Variants in TUB observed in about 807,000 individuals in gnomAD.
TUB encodes the protein tubby protein homolog.
In TUB, 33 loss-of-function variants were observed where a neutral mutation model predicts 59.7. The observed-to-expected ratio is 0.55, with a 90% CI of 0.42 to 0.74. The LOEUF is 0.74. Among genes scored for constraint, TUB ranks in the 30% least tolerant of loss-of-function variants. TUB has a pLI of 0.00. For missense variants in TUB, 659 were observed against 672.0 expected (o/e 0.98, Z 0.21); for synonymous variants, 293 against 256.4 (o/e 1.14, Z -1.36).
intron 3 of TUB, 113 bp from the exon 4 acceptor site, chr11:8,093,933 T>G: frequency 7.9e-7 from 1 of 1,267,302 alleles, no homozygotes. Flanking sequence ...GGGGCCCTGG[T>G]GGGACTCGGG....
chr11:8,046,079 C>G (rs545457339), intron 2 of TUB, among the ~76,000 whole-genome samples: 2 of 151,874 alleles, frequency 1.3e-5, no homozygotes, highest in African/African-American at 4.8e-5. Flanking sequence ...TGCGTTATCT[C>G]CCTCCCCTCC....
chr11:8,072,243 A>C (rs1462937226), intron 2 of TUB, among the ~76,000 whole-genome samples: 1 of 152,118 alleles, frequency 6.6e-6, no homozygotes, highest in African/African-American at 2.4e-5. Flanking sequence ...GCCTAGAAGG[A>C]GTCTTCACGC....
intron 2 of TUB, among the ~76,000 whole-genome samples, chr11:8,071,987 C>T (rs1943367851): frequency 6.6e-6 from 1 of 152,196 alleles, no homozygotes; most frequent in Admixed American, 6.5e-5. Flanking sequence ...CTAAGCTGAG[C>T]CCCCATCCTC....
intron 2 of TUB, among the ~76,000 whole-genome samples, chr11:8,074,993 C>T (rs531608485): frequency 6.6e-6 from 1 of 152,162 alleles, no homozygotes; most frequent in South Asian, 2.1e-4. Flanking sequence ...GATCCACCCA[C>T]CTCAGCCTCC....
Position 8,103,152 on chromosome 11 carries a change from G to T in TUB, c.*1533G>T, listed in dbSNP as rs1261661419. The T allele has an allele frequency of 2.0e-5, 3 of 152,270 alleles. No homozygotes were observed. The highest frequency in any genetic ancestry group is 7.2e-5 in the African/African-American group (3 of 41,444). The allele number at this position is 152,270 out of a possible 1,614,324, so 9.4% of individuals were successfully genotyped here. A position where few individuals can be genotyped will look rare whatever the true frequency, so the allele number is the denominator to read the frequency against. On this transcript the variant is annotated 3_prime_UTR_variant, in exon 12 of 12. Coordinates refer to ENST00000299506, the MANE Select transcript of TUB (RefSeq NM_177972.3). ...TGCTGCACACTTCTCGGTCTAGGTG[G>T]GAGAGAGTGCATAAAGGTTCTGGGG...
In TUB at chr11:8,028,654, G is replaced by A. The variant is rs117473561; in HGVS notation, c.56+9296G>A. Among the ~76,000 whole-genome samples the A allele has an allele frequency of 7.2e-3, 1,094 of 152,282 alleles. 8 individuals are homozygous for A. Among genetic ancestry groups the A allele is most frequent in the Non-Finnish European group, 0.011 (777 of 68,020 alleles). The stretch of plus-strand genomic sequence containing the variant: ...CTTTTGCATGAAAGAAAATCCAGTT[G>A]TCTCAGCACTATTTGTTTCTACTTT... On this transcript the variant is annotated intron_variant, in intron 1 of 11. Transcript: ENST00000534099.
exon 1 of TUB, chr11:8,019,246 G>A: frequency 8.1e-7 from 1 of 1,235,990 alleles, no homozygotes; most frequent in Non-Finnish European, 1.0e-6. Context: ...CTGCGAGCCA[G>A]CCCCAAGCCC....
upstream of TUB, among the ~76,000 whole-genome samples, chr11:8,038,408 T>A (rs182560214): frequency 2.1e-3 from 322 of 152,192 alleles, no homozygotes; most frequent in Non-Finnish European, 4.1e-3. Flanking sequence ...GAAGGCACGA[T>A]GTGTGCCCCT....
At chr11:8,074,721 T>C (rs1206104552) in intron 2 of TUB, among the ~76,000 whole-genome samples, 3 of 147,808 alleles carry the variant, frequency 2.0e-5, no homozygotes, top group East Asian at 2.0e-4. Flanking sequence ...GCCTGGGTGA[T>C]AGAGTGAGAC....
At chr11:8,050,512 T>C (rs1375871612) in intron 2 of TUB, among the ~76,000 whole-genome samples, 2 of 152,232 alleles carry the variant, frequency 1.3e-5, no homozygotes, top group East Asian at 3.8e-4. Context: ...GCTGTTCTGG[T>C]GAGTGTGTTG....
chr11:8,050,588 C>A (rs971531807), intron 2 of TUB, among the ~76,000 whole-genome samples: 4 of 152,150 alleles, frequency 2.6e-5, no homozygotes, highest in African/African-American at 4.8e-5. Flanking sequence ...TCTTTTCATT[C>A]ATGTATTTCT....
intron 1 of TUB, chr11:8,039,406 C>T (rs1277041502): frequency 2.2e-6 from 1 of 462,578 alleles, no homozygotes; most frequent in Non-Finnish European, 3.8e-6. Context: ...TCCCATGGCT[C>T]AGGTCATCAC....
intron 1 of TUB, among the ~76,000 whole-genome samples, chr11:8,085,161 C>T (rs929520882): frequency 2.6e-5 from 4 of 152,172 alleles, no homozygotes; most frequent in Non-Finnish European, 4.4e-5. Flanking sequence ...AGCCTTATAA[C>T]GACTCCCTGA....
chr11:8,094,228 G>A, intron 4 of TUB, 39 bp downstream of exon 4: 1 of 1,572,296 alleles, frequency 6.4e-7, no homozygotes, highest in Non-Finnish European at 8.6e-7. Context: ...CAGCAGGCCT[G>A]GCCTCCACTG....
chr11:8,060,983 A>G (rs1317373922), intron 2 of TUB, among the ~76,000 whole-genome samples: 1 of 152,180 alleles, frequency 6.6e-6, no homozygotes, highest in African/African-American at 2.4e-5. Flanking sequence ...TCATCAGTGG[A>G]TGCCGCTCAG....
At chr11:8,058,235 AAAG>A (rs1370567853) in intron 2 of TUB, among the ~76,000 whole-genome samples, 4 of 151,894 alleles carry the variant, frequency 2.6e-5, no homozygotes, top group African/African-American at 9.7e-5. Context: ...AAAAAAAAAA[AAAG>A]AAGCGGTATA....
At chr11:8,093,184 G>A (rs561449434) in intron 3 of TUB, among the ~76,000 whole-genome samples, 167 of 152,048 alleles carry the variant, frequency 1.1e-3, no homozygotes, top group African/African-American at 3.9e-3. Context: ...CAGGCACAGC[G>A]TCCCTCGGGA....
At chr11:8,068,372 GC>G (rs1201662928) in intron 2 of TUB, 1 of 152,336 alleles carries the variant, frequency 6.6e-6, no homozygotes, top group African/African-American at 2.4e-5. Context: ...AGACCCTGCT[GC>G]CAGGGCTGCC....
chr11:8,057,508 G>A (rs1943038802), intron 2 of TUB, among the ~76,000 whole-genome samples: 1 of 152,184 alleles, frequency 6.6e-6, no homozygotes, highest in African/African-American at 2.4e-5. Context: ...TTCGTCTAAA[G>A]ACATAAGTGA....
Sources: gnomAD v4.1 joint callset for allele counts (sites outside exome capture counted in the v4.1 genomes callset) on GRCh38, gnomAD v4.1.1 for gene constraint, MANE v1.5 for transcripts, NCBI Gene and HGNC (gene_info 2026-07-23, HGNC 2026-07-21) for gene names.